Variants in VKORC1L1 observed in about 807,000 individuals in gnomAD.
The protein encoded by VKORC1L1 is vitamin K epoxide reductase complex subunit 1-like protein 1.
In VKORC1L1, 2 loss-of-function variants were observed where a neutral mutation model predicts 18.9. The ratio of observed to expected loss-of-function variants is 0.11; its 90% CI spans 0.04 to 0.33. VKORC1L1 has a LOEUF of 0.33. Among genes scored for constraint, VKORC1L1 ranks in the 10% least tolerant of loss-of-function variants. The pLI is 1.00. For synonymous variants in VKORC1L1, 96 were observed against 100.0 expected, an observed-to-expected ratio of 0.96 and a Z score of 0.24; for missense variants, 123 against 224.1, an observed-to-expected ratio of 0.55 and a Z score of 2.88.
intron 1 of VKORC1L1, among the ~76,000 whole-genome samples, chr7:65,911,019 G>A (rs1157305588): frequency 6.6e-5 from 10 of 152,108 alleles, no homozygotes; most frequent in Admixed American, 6.5e-4. Context: ...TTAACACACT[G>A]TGATGTTACA....
At chr7:65,920,045 C>G (rs1360492695) in intron 1 of VKORC1L1, among the ~76,000 whole-genome samples, 1 of 152,020 alleles carries the variant, frequency 6.6e-6, no homozygotes, top group Non-Finnish European at 1.5e-5. Context: ...GTTACTCTTC[C>G]CTTCTTACAT....
upstream of VKORC1L1, among the ~76,000 whole-genome samples, chr7:65,869,980 GT>G (rs201200192): frequency 1.1e-4 from 16 of 145,576 alleles, no homozygotes; most frequent in South Asian, 4.3e-4. Flanking sequence ...AAAAGCTTTT[GT>G]TTTTTTTTTT....
At chr7:65,939,415 A>G (rs1220263719) in intron 1 of VKORC1L1, among the ~76,000 whole-genome samples, 1 of 152,186 alleles carries the variant, frequency 6.6e-6, no homozygotes, top group African/African-American at 2.4e-5. Context: ...GGTGGTGGAT[A>G]TGGTGGCAGT....
At position 65,880,323 on chromosome 7, in the gene VKORC1L1, G is replaced by T. The variant is rs554250948; in HGVS notation, c.194+6758G>T. 1.9e-3 allele frequency among the ~76,000 whole-genome samples: 286 copies of T among 152,278 alleles called. 3 individuals are homozygous for T. The highest frequency in any genetic ancestry group is 6.7e-3 in the African/African-American group (279 of 41,548). On this transcript the variant is annotated intron_variant, in intron 1 of 2. Coordinates refer to ENST00000360768, the MANE Select transcript of VKORC1L1 (RefSeq NM_173517.6). Reference sequence around the variant, plus strand: ...CCTGTTTAGAGCACTCTTTGGAAAGGCAGGGAAATTACTGTGAAGGTATTG... The same window carrying T: ...CCTGTTTAGAGCACTCTTTGGAAAGTCAGGGAAATTACTGTGAAGGTATTG...
chr7:65,915,047 G>C (rs948779687), intron 1 of VKORC1L1, among the ~76,000 whole-genome samples: 1 of 151,446 alleles, frequency 6.6e-6, no homozygotes, highest in Non-Finnish European at 1.5e-5. Flanking sequence ...CTCCCTCTTC[G>C]GTTTGTAATT....
intron 1 of VKORC1L1, among the ~76,000 whole-genome samples, chr7:65,914,196 C>T (rs1436054482): frequency 6.6e-6 from 1 of 152,140 alleles, no homozygotes; most frequent in Admixed American, 6.6e-5. Context: ...TGGGCTCAAG[C>T]GATCCTCCCA....
At chr7:65,878,693 G>A (rs1231280978) in intron 1 of VKORC1L1, among the ~76,000 whole-genome samples, 5 of 151,894 alleles carry the variant, frequency 3.3e-5, no homozygotes, top group East Asian at 1.9e-4. Flanking sequence ...TCACGAGGTC[G>A]GGAGATCAAG....
chr7:65,951,738 A>G (rs1387068610), intron 2 of VKORC1L1, among the ~76,000 whole-genome samples: 2 of 151,980 alleles, frequency 1.3e-5, no homozygotes, highest in African/African-American at 4.8e-5. Flanking sequence ...CACAATCTTA[A>G]TTTTCCTCCT....
At chr7:65,894,179 T>A (rs993025063) in intron 1 of VKORC1L1, among the ~76,000 whole-genome samples, 20 of 151,942 alleles carry the variant, frequency 1.3e-4, no homozygotes, top group Non-Finnish European at 2.6e-4. Flanking sequence ...GGTCTCGAAC[T>A]CCTGACCTCA....
At chr7:65,874,115 A>AGAGGC in intron 1 of VKORC1L1, among the ~76,000 whole-genome samples, 1 of 151,700 alleles carries the variant, frequency 6.6e-6, no homozygotes, top group Non-Finnish European at 1.5e-5. Flanking sequence ...GCCTCTTTGT[A>AGAGGC]CTCCAGCGCT....
At chr7:65,948,034 T>C (rs1187479056) in intron 1 of VKORC1L1, among the ~76,000 whole-genome samples, 1 of 152,220 alleles carries the variant, frequency 6.6e-6, no homozygotes, top group African/African-American at 2.4e-5. Flanking sequence ...ATGCATATCC[T>C]GGTGAAATTT....
chr7:65,882,046 C>T (rs1788937040), intron 1 of VKORC1L1, among the ~76,000 whole-genome samples: 2 of 151,436 alleles, frequency 1.3e-5, no homozygotes, highest in Admixed American at 6.6e-5. Flanking sequence ...TGCCACTGCA[C>T]TCCAGCCTGA....
chr7:65,873,333 G>A lies in VKORC1L1; in HGVS notation c.-39G>A. 1.4e-6 allele frequency: 2 copies of A among 1,440,236 alleles called. No individual in the cohort carries two copies. The highest frequency in any genetic ancestry group is 1.8e-6 in the Non-Finnish European group (2 of 1,092,422). 89.2% of individuals were successfully genotyped at this position (1,440,236 alleles called of 1,614,324 possible). On this transcript the variant is annotated 5_prime_UTR_variant, in exon 1 of 3. It adds an upstream start codon to the 5' untranslated region. Coordinates refer to ENST00000360768, the MANE Select transcript of VKORC1L1 (RefSeq NM_173517.6). ...GCCCCGACGGGCGGCGGCGGCTGAG[G>A]TGGAGGCGGAGGGAGGCGGCGGCGG...
intron 2 of VKORC1L1, among the ~76,000 whole-genome samples, chr7:65,950,460 A>T (rs1790194553): frequency 6.6e-6 from 1 of 152,220 alleles, no homozygotes; most frequent in Non-Finnish European, 1.5e-5. Context: ...TTCATTAAAA[A>T]TACATGTAAC....
chr7:65,949,733 G>A (rs1244400291), intron 2 of VKORC1L1, among the ~76,000 whole-genome samples: 2 of 151,588 alleles, frequency 1.3e-5, no homozygotes, highest in Non-Finnish European at 2.9e-5. Flanking sequence ...GCAGGGAGCC[G>A]AGATCACACC....
At chr7:65,870,261 T>C (rs1299466434), upstream of VKORC1L1, among the ~76,000 whole-genome samples, 1 of 102,284 alleles carries the variant, frequency 9.8e-6, no homozygotes, top group Non-Finnish European at 1.8e-5. Flanking sequence ...CTCTACTAAG[T>C]ACAGAAAAAA....
chr7:65,942,671 G>A (rs1185146017), intron 1 of VKORC1L1, among the ~76,000 whole-genome samples: 1 of 151,764 alleles, frequency 6.6e-6, no homozygotes, highest in Non-Finnish European at 1.5e-5. Flanking sequence ...GATTACAGGC[G>A]CCCGCCAGCA....
intron 1 of VKORC1L1, among the ~76,000 whole-genome samples, chr7:65,929,276 G>A (rs1326923101): frequency 1.3e-5 from 2 of 152,092 alleles, no homozygotes; most frequent in African/African-American, 4.8e-5. Context: ...AGCTGGGTGT[G>A]GTGGGAGGCA....
chr7:65,873,431 T>C lies in VKORC1L1; in HGVS notation c.60T>C (p.Tyr20=), dbSNP rs569022825. The change falls in exon 1 of 3, where the codon TAT becomes TAC. Residue 20 remains tyrosine, a synonymous_variant. Coordinates refer to ENST00000360768, the MANE Select transcript of VKORC1L1 (RefSeq NM_173517.6). ...CGCGGTGGGAGCGGGTGGCCCGGTA[T>C]GCAGTGTGCGCTGCCGGAATCCTGC... The part of the protein sequence containing the change: ...SVPRWERVAR[Y]AVCAAGILLS... 6 of 1,586,180 alleles carry C rather than the reference T, an allele frequency of 3.8e-6. No individual in the cohort carries two copies. The highest frequency in any genetic ancestry group is 2.4e-5 in the East Asian group (1 of 42,466).
Sources: allele counts gnomAD v4.1 joint callset (sites outside exome capture counted in the v4.1 genomes callset), GRCh38; gene constraint gnomAD v4.1.1; transcripts MANE v1.5; gene names NCBI Gene and HGNC (gene_info 2026-07-23, HGNC 2026-07-21).